The following NAT2 variants were observed in gnomAD, a reference collection of about 807,000 sequenced individuals.
NAT2 encodes arylamine N-acetyltransferase 2.
For missense variants in NAT2, 428 were observed against 339.1 expected (o/e 1.26, Z -2.06); for synonymous variants, 137 against 125.9 (o/e 1.09, Z -0.59).
chr8:18,398,121 C>G (rs1800723542), intron 1 of NAT2, among the ~76,000 whole-genome samples: 2 of 152,084 alleles, frequency 1.3e-5, no homozygotes, highest in South Asian at 2.1e-4. Context: ...AATAAAGACC[C>G]CAACACACAG....
chr8:18,394,092 TA>T (rs1340934334), intron 1 of NAT2, among the ~76,000 whole-genome samples: 1 of 151,522 alleles, frequency 6.6e-6, no homozygotes, highest in African/African-American at 2.4e-5. Flanking sequence ...TTTGGATAGA[TA>T]AAAGAAAAGT....
intron 1 of NAT2, among the ~76,000 whole-genome samples, chr8:18,393,402 G>T (rs773929094): frequency 2.6e-5 from 4 of 152,158 alleles, no homozygotes. Context: ...ACTGCAAATG[G>T]TTTAGGCCTT....
chr8:18,400,883 GA>G lies in NAT2; in HGVS notation c.*9del. ...TGGATCCCTTACTATTTAGAATAAG[GA>G]ACAAAATAAACCCTTGTGTATGTAT... is the stretch of plus-strand genomic sequence containing the variant. On this transcript the variant is annotated 3_prime_UTR_variant, in exon 2 of 2. Transcript: ENST00000286479. 1 of 1,565,134 alleles carries G rather than the reference GA, an allele frequency of 6.4e-7. No homozygotes were observed. The highest frequency in any genetic ancestry group is 2.2e-5 in the East Asian group (1 of 44,696).
intron 1 of NAT2, among the ~76,000 whole-genome samples, chr8:18,396,775 C>T (rs770861881): frequency 3.9e-5 from 6 of 152,136 alleles, no homozygotes; most frequent in Non-Finnish European, 7.3e-5. Context: ...TAAAAAAATA[C>T]GTTTAACATT....
upstream of NAT2, among the ~76,000 whole-genome samples, chr8:18,386,921 CTG>C (rs1367606176): frequency 1.3e-5 from 2 of 152,238 alleles, no homozygotes; most frequent in Non-Finnish European, 2.9e-5. Flanking sequence ...GTGAGCAAGA[CTG>C]TGTCCCTTTC....
intron 1 of NAT2, among the ~76,000 whole-genome samples, chr8:18,394,748 C>A (rs1800654543): frequency 6.6e-6 from 1 of 152,128 alleles, no homozygotes; most frequent in Non-Finnish European, 1.5e-5. Flanking sequence ...TTTATAAAGT[C>A]CCAATATCAA....
intron 1 of NAT2, 22 bp from the exon 2 acceptor site, chr8:18,399,976 A>G (rs1563249909): frequency 6.5e-7 from 1 of 1,535,030 alleles, no homozygotes; most frequent in Non-Finnish European, 8.8e-7. Flanking sequence ...ATATGTTTTT[A>G]TGTTTTGTTT....
At chr8:18,386,490 G>C (rs937770208), upstream of NAT2, among the ~76,000 whole-genome samples, 2 of 152,188 alleles carry the variant, frequency 1.3e-5, no homozygotes, top group Admixed American at 6.5e-5. Context: ...GAAGCCAAGA[G>C]AGCAGAGAAG....
upstream of NAT2, chr8:18,387,279 C>G (rs1030348081): frequency 6.5e-6 from 1 of 153,326 alleles, no homozygotes; most frequent in Non-Finnish European, 1.5e-5. Context: ...GCCGCTCCCG[C>G]GCTTCTCCCT....
chr8:18,386,423 C>A (rs1338793505), upstream of NAT2, among the ~76,000 whole-genome samples: 1 of 152,140 alleles, frequency 6.6e-6, no homozygotes, highest in Non-Finnish European at 1.5e-5. Context: ...GAATTTTGAG[C>A]TGCGGAATGC....
At chr8:18,391,091 A>G (rs1800584965), upstream of NAT2, among the ~76,000 whole-genome samples, 1 of 152,132 alleles carries the variant, frequency 6.6e-6, no homozygotes. Flanking sequence ...TGGCATGGGT[A>G]TCATCAGATA....
chr8:18,400,126 C>A lies in NAT2; in HGVS notation c.123C>A (p.Asn41Lys). Residue 41 changes from asparagine (N) to lysine (K), a missense_variant, in exon 2 of 2, where the codon AAC becomes AAA. Coordinates refer to ENST00000286479, the MANE Select transcript of NAT2 (RefSeq NM_000015.3). ...GGGCTGTTCCCTTTGAGAACCTTAA[C>A]ATGCATTGTGGGCAAGCCATGGAGT... ...QIRAVPFENL[N>K]MHCGQAMELG... The A allele has an allele frequency of 6.2e-7, 1 of 1,614,042 alleles. No individual in the cohort carries two copies. Among genetic ancestry groups the A allele is most frequent in the Non-Finnish European group, 8.5e-7 (1 of 1,179,962 alleles).
At chr8:18,394,170 A>G (rs978293500) in intron 1 of NAT2, among the ~76,000 whole-genome samples, 3 of 152,176 alleles carry the variant, frequency 2.0e-5, no homozygotes, top group Non-Finnish European at 2.9e-5. Context: ...TAGGGGAGCT[A>G]TTGAGCCAGG....
upstream of NAT2, among the ~76,000 whole-genome samples, chr8:18,386,957 G>A (rs930121929): frequency 2.0e-5 from 3 of 152,250 alleles, no homozygotes; most frequent in Non-Finnish European, 2.9e-5. Flanking sequence ...GAGTTCCACG[G>A]AGGTTGAGTG....
At chr8:18,387,164 G>A (rs1800517303), upstream of NAT2, 1 of 152,266 alleles carries the variant, frequency 6.6e-6, no homozygotes, top group African/African-American at 2.4e-5. Flanking sequence ...GCCCAGTGCA[G>A]GGAGCGCGGG....
At chr8:18,399,147 C>A (rs530019141) in intron 1 of NAT2, among the ~76,000 whole-genome samples, 2 of 152,188 alleles carry the variant, frequency 1.3e-5, no homozygotes, top group African/African-American at 4.8e-5. Flanking sequence ...TTCCTCAACA[C>A]TTGGGACAGG....
intron 1 of NAT2, among the ~76,000 whole-genome samples, chr8:18,399,193 G>A (rs1800746762): frequency 6.6e-6 from 1 of 152,130 alleles, no homozygotes; most frequent in Non-Finnish European, 1.5e-5. Context: ...CTGTTCCACT[G>A]CATGGAACAA....
upstream of NAT2, among the ~76,000 whole-genome samples, chr8:18,388,907 T>A (rs1350394296): frequency 6.6e-6 from 1 of 152,166 alleles, no homozygotes; most frequent in Non-Finnish European, 1.5e-5. Context: ...TTTGATGAAG[T>A]CAAATTTTGG....
At chr8:18,398,561 T>TTC in intron 1 of NAT2, among the ~76,000 whole-genome samples, 1 of 152,268 alleles carries the variant, frequency 6.6e-6, no homozygotes, top group Middle Eastern at 3.4e-3. Context: ...AGCTTTTACC[T>TTC]TGGGGCACTG....
Sources: allele counts gnomAD v4.1 joint callset (sites outside exome capture counted in the v4.1 genomes callset), GRCh38; gene constraint gnomAD v4.1.1; transcripts MANE v1.5; gene names NCBI Gene and HGNC (gene_info 2026-07-23, HGNC 2026-07-21).